The following OOSP3 variants were observed in gnomAD, a reference collection of about 807,000 sequenced individuals.
The protein encoded by OOSP3 is oocyte secreted protein family member 3, also known as oocyte-secreted protein 3.
At chr11:59,881,979 T>C (rs2134524923) in intron 2 of OOSP3, among the ~76,000 whole-genome samples, 1 of 152,368 alleles carries the variant, frequency 6.6e-6, no homozygotes, top group African/African-American at 2.4e-5. Context: ...ACAATTCTGA[T>C]TTCCTTCAAT....
chr11:59,888,800 T>G (rs1031758207), intron 2 of OOSP3, among the ~76,000 whole-genome samples: 10 of 152,230 alleles, frequency 6.6e-5, no homozygotes, highest in African/African-American at 1.9e-4. Context: ...ATCAGAATGA[T>G]GCTGGCCTCA....
At chr11:59,884,943 A>G (rs80014723) in intron 2 of OOSP3, among the ~76,000 whole-genome samples, 4,246 of 152,264 alleles carry the variant, frequency 0.028, 204 homozygotes, top group African/African-American at 0.093. Flanking sequence ...ACATCTTTGT[A>G]TTATTTCTGA....
rs540174438 is a variant in OOSP3, at chr11:59,884,881, T to TA, written c.252+4442_252+4443insA. On this transcript the variant is annotated intron_variant, in intron 2 of 4. Transcript: ENST00000646438. ...ATTTTTGTTTTATCTTCTTGCCTAA[T>TA]TTTCCTAGCTAGAACCTCCAGTACA... Among the ~76,000 whole-genome samples, 77 of 152,318 alleles carry TA rather than the reference T, an allele frequency of 5.1e-4. 3 individuals are homozygous for TA. In the East Asian group the frequency reaches 0.015, roughly 29 times the overall value.
At chr11:59,889,798 A>G (rs546967227) in intron 2 of OOSP3, among the ~76,000 whole-genome samples, 109 of 152,308 alleles carry the variant, frequency 7.2e-4, no homozygotes, top group Middle Eastern at 3.4e-3. Context: ...GTAGATATCT[A>G]TCAGGTCCAC....
At chr11:59,884,197 C>T (rs937169261) in intron 2 of OOSP3, among the ~76,000 whole-genome samples, 4 of 152,100 alleles carry the variant, frequency 2.6e-5, no homozygotes, top group African/African-American at 4.8e-5. Flanking sequence ...ACACATGTTC[C>T]GGAAGTGAAA....
Position 59,880,260 on chromosome 11 carries a change from G to T in OOSP3, c.74-1G>T. ...TGTTTAAAAAAATTTTTTTTCAACAGTGTCAGTAGGATGTACTTCCTCTAT... is the reference window on the plus strand; with the variant it reads ...TGTTTAAAAAAATTTTTTTTCAACATTGTCAGTAGGATGTACTTCCTCTAT... On this transcript the variant is annotated splice_acceptor_variant, in intron 1 of 4. Transcript: ENST00000646438. LOFTEE classifies it high-confidence loss of function. The T allele has an allele frequency of 2.5e-6, 1 of 398,414 alleles. No homozygotes were observed. The highest frequency in any genetic ancestry group is 4.4e-6 in the Non-Finnish European group (1 of 226,010). 24.7% of individuals were successfully genotyped at this position (398,414 alleles called of 1,614,324 possible). A position where few individuals can be genotyped will look rare whatever the true frequency, so the allele number is the denominator to read the frequency against.
At chr11:59,881,362 C>CAA (rs199571943) in intron 2 of OOSP3, among the ~76,000 whole-genome samples, 1,718 of 115,996 alleles carry the variant, frequency 0.015, 41 homozygotes, top group African/African-American at 0.049. Flanking sequence ...GAGACTATCT[C>CAA]AAAAAAAAAA....
At position 59,896,213 on chromosome 11, in the gene OOSP3, G is replaced by T. The variant is rs749110233; in HGVS notation, c.582G>T (p.Ter194TyrextTer7). ...AGAGTGCAAATGTAGCTATATTCTA[G>T]GTTCTTCCATGGCAATCCTGAAAAC... The change falls in exon 5 of 5, where the codon TAG (stop) becomes TAT (tyrosine). Residue 194 changes from the stop codon to tyrosine, a stop_lost. Coordinates refer to ENST00000646438, the Ensembl canonical transcript of OOSP3. The T allele has an allele frequency of 5.0e-5, 20 of 398,298 alleles. No homozygotes were observed. In the Middle Eastern group the frequency reaches 1.9e-3, roughly 38 times the overall value. 24.7% of individuals were successfully genotyped at this position (398,298 alleles called of 1,614,324 possible).
chr11:59,895,335 C>G (rs1035801315), intron 3 of OOSP3, among the ~76,000 whole-genome samples, 167 bp from the exon 4 acceptor site: 3 of 141,666 alleles, frequency 2.1e-5, no homozygotes, highest in African/African-American at 7.9e-5. Flanking sequence ...TTTGTTAATC[C>G]TTAAAAAAAA....
chr11:59,893,787 A>T (rs1054995940), intron 2 of OOSP3, among the ~76,000 whole-genome samples: 4 of 152,234 alleles, frequency 2.6e-5, no homozygotes, highest in Non-Finnish European at 5.9e-5. Context: ...TGAGAAAAAA[A>T]AACTTGTTAA....
intron 2 of OOSP3, among the ~76,000 whole-genome samples, chr11:59,881,362 C>CAAA (rs199571943): frequency 1.7e-5 from 2 of 116,024 alleles, no homozygotes; most frequent in African/African-American, 6.2e-5. Flanking sequence ...GAGACTATCT[C>CAAA]AAAAAAAAAA....
At chr11:59,879,376 T>C (rs1279224380) in intron 1 of OOSP3, among the ~76,000 whole-genome samples, 1 of 152,202 alleles carries the variant, frequency 6.6e-6, no homozygotes, top group African/African-American at 2.4e-5. Flanking sequence ...ATATTAATAG[T>C]TTTATTTGCA....
Position 59,889,905 on chromosome 11 carries a change from TG to T in OOSP3, c.253-4169del, listed in dbSNP as rs576285331. On this transcript the variant is annotated intron_variant, in intron 2 of 4. Coordinates refer to ENST00000646438, the Ensembl canonical transcript of OOSP3. Reference sequence around the variant, plus strand: ...GGTATTAAAGTCTCCCACTATTGTGTGGGGGTCTAAGTCTCTTTGTAGGTCT... The same window carrying T: ...GGTATTAAAGTCTCCCACTATTGTGTGGGGTCTAAGTCTCTTTGTAGGTCT... Among the ~76,000 whole-genome samples the T allele has an allele frequency of 1.6e-3, 238 of 152,256 alleles. 1 individual carries two copies. The highest frequency in any genetic ancestry group is 5.4e-3 in the African/African-American group (224 of 41,570).
intron 2 of OOSP3, among the ~76,000 whole-genome samples, chr11:59,885,041 G>A (rs1220709153): frequency 3.3e-5 from 5 of 152,182 alleles, no homozygotes; most frequent in African/African-American, 9.7e-5. Flanking sequence ...GGTTGAGGAC[G>A]TGCCCTTTTA....
At chr11:59,883,292 T>G (rs1309259199) in intron 2 of OOSP3, among the ~76,000 whole-genome samples, 2 of 152,186 alleles carry the variant, frequency 1.3e-5, no homozygotes, top group Non-Finnish European at 2.9e-5. Flanking sequence ...AATACTAGTT[T>G]TAAAACTCAC....
intron 4 of OOSP3, 63 bp downstream of exon 4, chr11:59,895,715 A>G (rs1853350403): frequency 2.5e-6 from 1 of 397,928 alleles, no homozygotes; most frequent in Non-Finnish European, 4.4e-6. Flanking sequence ...GTATTGACAT[A>G]AGGAAGTAAA....
At chr11:59,891,852 C>T (rs1361821947) in intron 2 of OOSP3, among the ~76,000 whole-genome samples, 2 of 152,198 alleles carry the variant, frequency 1.3e-5, no homozygotes, top group African/African-American at 4.8e-5. Context: ...GTGGTGGCCC[C>T]TCCCCCCAGG....
chr11:59,889,250 A>G (rs1336515583), intron 2 of OOSP3, among the ~76,000 whole-genome samples: 1 of 151,210 alleles, frequency 6.6e-6, no homozygotes, highest in Non-Finnish European at 1.5e-5. Flanking sequence ...CCAAAAAAGC[A>G]GCTCCTAGAT....
At chr11:59,883,624 T>C (rs966962546) in intron 2 of OOSP3, among the ~76,000 whole-genome samples, 4 of 152,234 alleles carry the variant, frequency 2.6e-5, no homozygotes, top group African/African-American at 9.6e-5. Flanking sequence ...CTTTTCAAAT[T>C]ATTTTTCTGA....
Sources: allele counts gnomAD v4.1 joint callset (sites outside exome capture counted in the v4.1 genomes callset), GRCh38; gene constraint gnomAD v4.1.1; transcripts MANE v1.5; gene names NCBI Gene and HGNC (gene_info 2026-07-23, HGNC 2026-07-21).